The following CACNA1E variants were observed in gnomAD, a reference collection of about 807,000 sequenced individuals.
CACNA1E encodes voltage-dependent R-type calcium channel subunit alpha-1E.
In CACNA1E, 40 loss-of-function variants were observed where a neutral mutation model predicts 259.2. That is an observed-to-expected ratio of 0.15 (90% CI 0.12 to 0.20). The LOEUF (loss-of-function observed/expected upper bound fraction) is 0.20. Ranked by LOEUF, CACNA1E falls within the 10% of genes least tolerant of loss-of-function variation. CACNA1E has a pLI of 1.00. For missense variants in CACNA1E, 1,874 were observed against 3,040.1 expected, an observed-to-expected ratio of 0.62 and a Z score of 9.02; for synonymous variants, 1,104 against 1,138.5, an observed-to-expected ratio of 0.97 and a Z score of 0.61.
chr1:181,569,508 A>T (rs750016569), intron 3 of CACNA1E, among the ~76,000 whole-genome samples: 2 of 152,254 alleles, frequency 1.3e-5, no homozygotes, highest in South Asian at 2.1e-4. Context: ...AAAATGAAGT[A>T]AAGTCTCCAG....
chr1:181,437,702 C>T (rs1365861640), intron 2 of CACNA1E, among the ~76,000 whole-genome samples: 1 of 152,148 alleles, frequency 6.6e-6, no homozygotes, highest in African/African-American at 2.4e-5. Flanking sequence ...ACTGGCTGTC[C>T]CATTCCAGTC....
intron 6 of CACNA1E, among the ~76,000 whole-genome samples, chr1:181,645,781 C>T (rs961355424): frequency 6.6e-6 from 1 of 152,210 alleles, no homozygotes; most frequent in African/African-American, 2.4e-5. Flanking sequence ...CTGTCTTGCT[C>T]ATCATCCTTA....
At chr1:181,648,812 C>A (rs1038611192) in intron 6 of CACNA1E, among the ~76,000 whole-genome samples, 1 of 152,182 alleles carries the variant, frequency 6.6e-6, no homozygotes, top group Non-Finnish European at 1.5e-5. Context: ...ATTGCTGATA[C>A]CTGCTAATGT....
In CACNA1E at chr1:181,534,964, C is replaced by T. The variant is rs1195355372; in HGVS notation, c.512+23454C>T. Among the ~76,000 whole-genome samples the T allele has an allele frequency of 2.0e-5, 3 of 151,866 alleles. No homozygotes were observed. The East Asian group carries it at 5.8e-4, about 29-fold the overall frequency. ...AGAAAATTGAAAATAGAGGAGGTGG[C>T]AAAAGGTGTTCTAGACAAATGCCAA... On this transcript the variant is annotated intron_variant, in intron 3 of 47. Coordinates refer to ENST00000367573, the MANE Select transcript of CACNA1E (RefSeq NM_001205293.3).
chr1:181,666,438 A>G (rs1485599728), intron 7 of CACNA1E, among the ~76,000 whole-genome samples: 1 of 152,132 alleles, frequency 6.6e-6, no homozygotes, highest in African/African-American at 2.4e-5. Flanking sequence ...GGTAAATGAA[A>G]AGACAAACCC....
intron 3 of CACNA1E, 58 bp downstream of exon 3, chr1:181,511,568 G>A: frequency 1.3e-6 from 2 of 1,590,946 alleles, no homozygotes; most frequent in South Asian, 2.2e-5. Flanking sequence ...GGTATCATGA[G>A]GTGGCTGGGG....
At chr1:181,472,568 T>G (rs1662580901) in intron 2 of CACNA1E, among the ~76,000 whole-genome samples, 1 of 150,646 alleles carries the variant, frequency 6.6e-6, no homozygotes. Context: ...TATCTGTACC[T>G]GTAAATATAA....
Position 181,733,542 on chromosome 1 carries a change from C to A in CACNA1E, c.3054C>A (p.His1018Gln), listed in dbSNP as rs377580656. The change falls in exon 21 of 48, where the codon CAC (histidine) becomes CAA (glutamine). Residue 1018 changes from histidine to glutamine, a missense_variant. Physicochemically the swap from His to Gln is conservative, Grantham distance 24 (BLOSUM62 0). This residue lies in a region of CACNA1E where 476 missense variants were observed against 514.0 expected (regional missense o/e 0.93). Coordinates refer to ENST00000367573, the MANE Select transcript of CACNA1E (RefSeq NM_001205293.3). ...LPHPELEVGK[H>Q]VVLTEQEPEG... ...ATCCTGAGCTGGAAGTGGGGAAGCA[C>A]GTGGTGCTGACGGAGCAGGAGCCAG... 19 of 1,612,266 alleles carry A rather than the reference C, an allele frequency of 1.2e-5. No individual in the cohort carries two copies. The highest frequency in any genetic ancestry group is 1.3e-5 in the African/African-American group (1 of 74,992).
intron 1 of CACNA1E, among the ~76,000 whole-genome samples, chr1:181,341,676 C>T (rs2102634290): frequency 6.6e-6 from 1 of 152,300 alleles, no homozygotes; most frequent in East Asian, 1.9e-4. Context: ...GAGTTTCAAT[C>T]AGTGTTAATC....
rs189239428 is a variant in CACNA1E, at chr1:181,436,913, A to G, written c.434+23333A>G. Among the ~76,000 whole-genome samples the G allele has an allele frequency of 2.5e-3, 379 of 152,344 alleles. 2 individuals are homozygous for G. Among genetic ancestry groups the G allele is most frequent in the African/African-American group, 8.1e-3 (335 of 41,572 alleles). On this transcript the variant is annotated intron_variant, in intron 2 of 11. Coordinates refer to the CACNA1E transcript ENST00000524607. Reference sequence around the variant, plus strand: ...GGTGATGGATATGTTAATTAGCTTGATTTTATCATGTAAAATCTACAATTT... The same window carrying G: ...GGTGATGGATATGTTAATTAGCTTGGTTTTATCATGTAAAATCTACAATTT...
intron 1 of CACNA1E, among the ~76,000 whole-genome samples, chr1:181,339,988 C>T (rs1308430059): frequency 1.3e-5 from 2 of 151,092 alleles, no homozygotes; most frequent in Non-Finnish European, 3.0e-5. Flanking sequence ...ATGTATCAGT[C>T]TCTTTATTAT....
chr1:181,797,035 G>A (rs768725265), intron 47 of CACNA1E, among the ~76,000 whole-genome samples, 177 bp downstream of exon 47: 2 of 152,212 alleles, frequency 1.3e-5, no homozygotes, highest in Non-Finnish European at 2.9e-5. Flanking sequence ...TGTGTACTCA[G>A]AGATGATCTG....
At chr1:181,349,687 C>G (rs1450712655) in intron 1 of CACNA1E, among the ~76,000 whole-genome samples, 1 of 151,964 alleles carries the variant, frequency 6.6e-6, no homozygotes, top group Admixed American at 6.6e-5. Flanking sequence ...AGGGAGGACT[C>G]AGGCCTGTGT....
intron 1 of CACNA1E, among the ~76,000 whole-genome samples, chr1:181,359,940 T>G (rs1214499958): frequency 1.3e-5 from 2 of 152,192 alleles, no homozygotes; most frequent in African/African-American, 4.8e-5. Context: ...ACACTGGCAG[T>G]TGCTGAAATG....
At chr1:181,546,922 T>A (rs1353177394) in intron 3 of CACNA1E, among the ~76,000 whole-genome samples, 2 of 152,198 alleles carry the variant, frequency 1.3e-5, no homozygotes, top group African/African-American at 2.4e-5. Flanking sequence ...GTGCCTGTCC[T>A]TTTAAATCAA....
intron 3 of CACNA1E, among the ~76,000 whole-genome samples, chr1:181,522,223 T>G (rs572907453): frequency 6.6e-6 from 1 of 152,284 alleles, no homozygotes; most frequent in South Asian, 2.1e-4. Context: ...TTTAACCTAT[T>G]GGAGCTGTAC....
At chr1:181,718,664 A>ACC (rs1654151820) in intron 12 of CACNA1E, among the ~76,000 whole-genome samples, 1 of 133,044 alleles carries the variant, frequency 7.5e-6, no homozygotes, top group Non-Finnish European at 1.7e-5. Context: ...ACACACACAC[A>ACC]CACCCTTATA....
At chr1:181,415,880 C>T (rs531252141) in intron 2 of CACNA1E, among the ~76,000 whole-genome samples, 6 of 152,302 alleles carry the variant, frequency 3.9e-5, no homozygotes, top group South Asian at 2.1e-4. Flanking sequence ...CCCAGTTCTA[C>T]GAACCCTAAT....
At chr1:181,583,875 T>G (rs571486422) in intron 6 of CACNA1E, among the ~76,000 whole-genome samples, 1 of 152,158 alleles carries the variant, frequency 6.6e-6, no homozygotes, top group Non-Finnish European at 1.5e-5. Context: ...GCTACCTGTT[T>G]GCACTGTCTG....
Sources: allele counts gnomAD v4.1 joint callset (sites outside exome capture counted in the v4.1 genomes callset), GRCh38; gene constraint gnomAD v4.1.1; regional missense constraint gnomAD v4.1.1; transcripts MANE v1.5; gene names NCBI Gene and HGNC (gene_info 2026-07-23, HGNC 2026-07-21).